The following LIMS1 variants were observed in gnomAD, a reference collection of about 807,000 sequenced individuals.
LIMS1 encodes the protein LIM and senescent cell antigen-like-containing domain protein 1.
In LIMS1, 18 loss-of-function variants were observed where a neutral mutation model predicts 44.1. The observed-to-expected ratio is 0.41, with a 90% confidence interval of 0.28 to 0.61. The LOEUF (loss-of-function observed/expected upper bound fraction) is 0.61. Among genes scored for constraint, LIMS1 ranks in the 20% least tolerant of loss-of-function variants. The pLI is 0.32. For synonymous variants in LIMS1, 93 were observed against 149.1 expected, an observed-to-expected ratio of 0.62 and a Z score of 2.74; for missense variants, 201 against 422.0, an observed-to-expected ratio of 0.48 and a Z score of 4.59.
intron 1 of LIMS1, among the ~76,000 whole-genome samples, chr2:108,594,463 C>T (rs1041698771): frequency 6.6e-6 from 1 of 152,152 alleles, no homozygotes; most frequent in Non-Finnish European, 1.5e-5. Flanking sequence ...ATTTTGTCTA[C>T]ATTACAGATG....
At chr2:108,568,348 T>C (rs1332418256) in intron 1 of LIMS1, among the ~76,000 whole-genome samples, 1 of 152,228 alleles carries the variant, frequency 6.6e-6, no homozygotes, top group Admixed American at 6.5e-5. Context: ...GCTTCATCCA[T>C]GTTGTAGCTT....
At chr2:108,642,184 T>C (rs1176764613) in intron 1 of LIMS1, among the ~76,000 whole-genome samples, 1 of 152,190 alleles carries the variant, frequency 6.6e-6, no homozygotes, top group Non-Finnish European at 1.5e-5. Flanking sequence ...AAGCATTTAC[T>C]AAGCACTCCG....
intron 2 of LIMS1, among the ~76,000 whole-genome samples, chr2:108,663,787 T>A (rs1006885157): frequency 6.6e-6 from 1 of 152,108 alleles, no homozygotes; most frequent in African/African-American, 2.4e-5. Context: ...AGAGTTTCAC[T>A]CTTGTTGCCC....
chr2:108,577,226 A>C (rs1373775446), intron 1 of LIMS1, among the ~76,000 whole-genome samples: 2 of 152,310 alleles, frequency 1.3e-5, no homozygotes, highest in African/African-American at 2.4e-5. Flanking sequence ...TGCTCTTTCA[A>C]GTTACTCCCT....
intron 1 of LIMS1, among the ~76,000 whole-genome samples, chr2:108,590,798 A>G (rs1248582181): frequency 1.3e-5 from 2 of 152,138 alleles, no homozygotes; most frequent in Non-Finnish European, 2.9e-5. Flanking sequence ...CTGGGCTGCA[A>G]GTGCTTTCTG....
At position 108,618,501 on chromosome 2, in the gene LIMS1, C is replaced by CCT. The variant is rs145532061; in HGVS notation, c.33-41087_33-41086dup. ...AAGGGTGCTGGGGAGGGAAAGCAGT[C>CCT]CTCTCTCTCTCTCTCTCTATCTTCA... On this transcript the variant is annotated intron_variant, in intron 1 of 9. Coordinates refer to ENST00000544547, the Ensembl canonical transcript of LIMS1. Among the ~76,000 whole-genome samples the CCT allele has an allele frequency of 6.5e-3, 973 of 149,616 alleles. 5 individuals are homozygous for CCT. The highest frequency in any genetic ancestry group is 0.016 in the South Asian group (75 of 4,726).
At chr2:108,552,319 CTA>C (rs374127866) in intron 1 of LIMS1, among the ~76,000 whole-genome samples, 9 of 129,518 alleles carry the variant, frequency 6.9e-5, no homozygotes, top group African/African-American at 8.4e-5. Context: ...ATATATGAAA[CTA>C]TATATATACT....
intron 1 of LIMS1, among the ~76,000 whole-genome samples, chr2:108,587,168 C>A (rs1460259363): frequency 6.6e-6 from 1 of 152,098 alleles, no homozygotes; most frequent in East Asian, 1.9e-4. Flanking sequence ...TAAACCCTTC[C>A]CTGTAAATAG....
chr2:108,595,988 C>T (rs1686663938), intron 1 of LIMS1, among the ~76,000 whole-genome samples: 1 of 151,568 alleles, frequency 6.6e-6, no homozygotes, highest in Admixed American at 6.6e-5. Context: ...GCTGAAGTGG[C>T]CCCCTGAGAG....
intron 1 of LIMS1, among the ~76,000 whole-genome samples, chr2:108,544,317 A>G (rs1485825983): frequency 1.3e-5 from 2 of 152,158 alleles, no homozygotes; most frequent in East Asian, 3.9e-4. Flanking sequence ...GCAGACTTCT[A>G]ATGGCATGGG....
At chr2:108,627,133 G>A (rs1401969203) in intron 1 of LIMS1, among the ~76,000 whole-genome samples, 3 of 152,202 alleles carry the variant, frequency 2.0e-5, no homozygotes, top group African/African-American at 7.2e-5. Flanking sequence ...TGGAGCAACA[G>A]GCTATACCAC....
At chr2:108,633,161 T>C (rs925655499) in intron 1 of LIMS1, among the ~76,000 whole-genome samples, 3 of 152,254 alleles carry the variant, frequency 2.0e-5, no homozygotes, top group African/African-American at 7.2e-5. Flanking sequence ...TTTGCCAGCA[T>C]CTTAATTCTT....
At chr2:108,628,367 T>C (rs1372237328) in intron 1 of LIMS1, among the ~76,000 whole-genome samples, 1 of 152,242 alleles carries the variant, frequency 6.6e-6, no homozygotes, top group Non-Finnish European at 1.5e-5. Flanking sequence ...CCATGTGCAG[T>C]CACTGTCAAA....
intron 1 of LIMS1, chr2:108,621,488 A>C (rs751401370): frequency 8.1e-6 from 12 of 1,486,846 alleles, no homozygotes; most frequent in Middle Eastern, 1.7e-4. Flanking sequence ...GGTTGGCTAA[A>C]GGTCAAGACA....
chr2:108,538,408 G>T (rs1055149849), intron 1 of LIMS1, among the ~76,000 whole-genome samples: 5 of 152,178 alleles, frequency 3.3e-5, no homozygotes, highest in African/African-American at 4.8e-5. Context: ...TAACAGTGGG[G>T]CGGGACAGCT....
At chr2:108,575,852 A>G (rs549745537) in intron 1 of LIMS1, among the ~76,000 whole-genome samples, 1 of 152,218 alleles carries the variant, frequency 6.6e-6, no homozygotes, top group African/African-American at 2.4e-5. Flanking sequence ...ATGGCATGTG[A>G]TACAGCATTT....
intron 1 of LIMS1, among the ~76,000 whole-genome samples, chr2:108,557,475 G>A (rs926646580): frequency 3.3e-5 from 5 of 151,724 alleles, no homozygotes; most frequent in South Asian, 2.1e-4. Flanking sequence ...TCGAACATAT[G>A]ATCAGATTCA....
rs75659089 is a variant in LIMS1 at position 108,640,087 on chromosome 2, T to C, written c.33-19518T>C. Reference sequence around the variant, plus strand: ...CAGTCTCGTGTCTTTCCATGATGGGTTTCCTGTGTGATGGGAGTGTCTCCA... The same window carrying C: ...CAGTCTCGTGTCTTTCCATGATGGGCTTCCTGTGTGATGGGAGTGTCTCCA... On this transcript the variant is annotated intron_variant, in intron 1 of 9. Coordinates refer to ENST00000544547, the Ensembl canonical transcript of LIMS1. 4.4e-3 allele frequency among the ~76,000 whole-genome samples: 670 copies of C among 152,308 alleles called. 4 individuals carry two copies. Among genetic ancestry groups the C allele is most frequent in the South Asian group, 0.014 (68 of 4,824 alleles).
chr2:108,539,240 T>C (rs1218672868), intron 1 of LIMS1, among the ~76,000 whole-genome samples: 1 of 152,180 alleles, frequency 6.6e-6, no homozygotes, highest in Non-Finnish European at 1.5e-5. Flanking sequence ...CATGCCACTA[T>C]GCCCGGCTAA....
Sources: allele counts gnomAD v4.1 joint callset (sites outside exome capture counted in the v4.1 genomes callset), GRCh38; gene constraint gnomAD v4.1.1; transcripts MANE v1.5; gene names NCBI Gene and HGNC (gene_info 2026-07-23, HGNC 2026-07-21).